C2orf49: variants seen among roughly 807,000 people sequenced by gnomAD.
C2orf49 encodes the protein tRNA-splicing ligase complex subunit ASW.
In C2orf49, 11 loss-of-function variants were observed where a neutral mutation model predicts 20.6. The observed-to-expected ratio is 0.53, with a 90% CI of 0.34 to 0.88. The LOEUF is 0.88. Among genes scored for constraint, C2orf49 ranks in the 40% least tolerant of loss-of-function variants. The probability of loss-of-function intolerance (pLI) is 0.02; values close to 1 mark genes in which losing one functional copy is unlikely to be tolerated. For missense variants in C2orf49, 289 were observed against 274.2 expected (o/e 1.05, Z -0.38); for synonymous variants, 134 against 108.5 (o/e 1.24, Z -1.46).
chr2:105,348,527 C>CATATATATATATATATATATATATAT lies in C2orf49; in HGVS notation c.*3161_*3186dup, dbSNP rs10533537. The CATATATATATATATATATATATATAT allele has an allele frequency of 7.6e-6, 1 of 132,426 alleles. No individual in the cohort carries two copies. The highest frequency in any genetic ancestry group is 2.8e-5 in the African/African-American group (1 of 35,506). The allele number at this position is 132,426 out of a possible 1,614,324, so 8.2% of individuals were successfully genotyped here. ...AAGTAAAACTGCCAGTAGATTAAAT[C>CATATATATATATATATATATATATAT]ATATATATATATATATATATATATA... On this transcript the variant is annotated 3_prime_UTR_variant, in exon 4 of 4. Transcript: ENST00000258457.
At chr2:105,378,338 G>A in the C2orf49 span, 13 of 379,010 alleles carry the variant, frequency 3.4e-5, no homozygotes, top group Middle Eastern at 9.2e-4. Context: ...ACCTTCTGCA[G>A]GCGCAGCCTG....
At chr2:105,339,282 C>CTT (rs1323457298) in intron 1 of C2orf49, among the ~76,000 whole-genome samples, 1 of 152,176 alleles carries the variant, frequency 6.6e-6, no homozygotes, top group Admixed American at 6.5e-5. Flanking sequence ...TTTCAATCCC[C>CTT]TTTGTATATT....
At chr2:105,356,794 C>T in the C2orf49 span, among the ~76,000 whole-genome samples, 1 of 152,154 alleles carries the variant, frequency 6.6e-6, no homozygotes, top group South Asian at 2.1e-4. Flanking sequence ...AGAGTTTTCT[C>T]ATTATCTTTG....
intron 1 of C2orf49, 135 bp from the exon 2 acceptor site, chr2:105,339,448 G>A: frequency 1.4e-6 from 1 of 724,466 alleles, no homozygotes; most frequent in South Asian, 1.9e-5. Flanking sequence ...CTGTCTCTAA[G>A]TGCGCGTGTT....
chr2:105,384,417 T>A, the C2orf49 span, among the ~76,000 whole-genome samples: 1 of 152,178 alleles, frequency 6.6e-6, no homozygotes, highest in Non-Finnish European at 1.5e-5. Context: ...GCTTACCCTG[T>A]CAGCTGCTAG....
the C2orf49 span, among the ~76,000 whole-genome samples, chr2:105,365,511 G>T: frequency 6.6e-6 from 1 of 152,120 alleles, no homozygotes; most frequent in African/African-American, 2.4e-5. Context: ...ACTTCCGTTA[G>T]GTCTTGATGA....
At chr2:105,339,860 C>A in intron 2 of C2orf49, 111 bp downstream of exon 2, 1 of 939,836 alleles carries the variant, frequency 1.1e-6, no homozygotes, top group Non-Finnish European at 1.5e-6. Flanking sequence ...TACTCAATGA[C>A]TATCTATTGA....
At chr2:105,367,253 A>G in the C2orf49 span, among the ~76,000 whole-genome samples, 7 of 152,164 alleles carry the variant, frequency 4.6e-5, no homozygotes, top group African/African-American at 1.7e-4. Flanking sequence ...GAGAAGCTGA[A>G]CAAGACAGCT....
chr2:105,380,786 G>GA, the C2orf49 span, among the ~76,000 whole-genome samples: 11 of 150,664 alleles, frequency 7.3e-5, no homozygotes, highest in Admixed American at 3.3e-4. Flanking sequence ...CAAAAAGAAA[G>GA]AAAAAAAAAG....
chr2:105,365,049 G>A, the C2orf49 span, among the ~76,000 whole-genome samples: 1 of 152,192 alleles, frequency 6.6e-6, no homozygotes, highest in Non-Finnish European at 1.5e-5. Context: ...CCTGCAACAT[G>A]TGTCCTCAGT....
chr2:105,347,052 T>G lies in C2orf49; in HGVS notation c.*1681T>G, dbSNP rs1679832078. On this transcript the variant is annotated 3_prime_UTR_variant, in exon 4 of 4. Transcript: ENST00000258457. Reference sequence around the variant, plus strand: ...CAAGCATTTTAGTTCAGCTATTGAATAGCCTTCCAAAAAATTAATTCAGCC... The same window carrying G: ...CAAGCATTTTAGTTCAGCTATTGAAGAGCCTTCCAAAAAATTAATTCAGCC... 6.6e-6 allele frequency: 1 copy of G among 152,248 alleles called. No individual in the cohort carries two copies. Among genetic ancestry groups the G allele is most frequent in the Non-Finnish European group, 1.5e-5 (1 of 68,036 alleles). The allele number at this position is 152,248 out of a possible 1,614,324, so 9.4% of individuals were successfully genotyped here.
At chr2:105,368,865 G>T in the C2orf49 span, among the ~76,000 whole-genome samples, 4 of 152,218 alleles carry the variant, frequency 2.6e-5, no homozygotes, top group Admixed American at 2.0e-4. Context: ...GTAAGTGCCC[G>T]GACTAGCTGA....
At chr2:105,341,530 C>G (rs996837497) in intron 2 of C2orf49, among the ~76,000 whole-genome samples, 2 of 152,350 alleles carry the variant, frequency 1.3e-5, no homozygotes, top group African/African-American at 4.8e-5. Context: ...CTTTAATGTG[C>G]TTCTTGAATC....
intron 2 of C2orf49, among the ~76,000 whole-genome samples, chr2:105,340,458 C>G (rs1679637191): frequency 6.6e-6 from 1 of 152,070 alleles, no homozygotes. Flanking sequence ...TAGATGGCAG[C>G]AGCTTTGACT....
chr2:105,384,937 T>G, the C2orf49 span, among the ~76,000 whole-genome samples: 4 of 152,224 alleles, frequency 2.6e-5, no homozygotes, highest in South Asian at 4.1e-4. Flanking sequence ...GCTCTCATGC[T>G]TGTCCTGTTA....
In C2orf49 at chr2:105,337,544, G is replaced by A; in HGVS notation, c.-44G>A. The A allele has an allele frequency of 1.2e-6, 2 of 1,612,138 alleles. No individual in the cohort carries two copies. The highest frequency in any genetic ancestry group is 1.7e-6 in the Non-Finnish European group (2 of 1,179,588). On this transcript the variant is annotated 5_prime_UTR_variant, in exon 1 of 4. Transcript: ENST00000258457. ...ACGTCACTTCCGCAACGCTTCCTTC[G>A]CGGGGCTTTGTGGGTAGCCGACTGG...
rs879523251 is a variant in C2orf49, at chr2:105,345,963, CA to C, written c.*604del. 2.9e-3 allele frequency: 384 copies of C among 134,608 alleles called. No individual in the cohort carries two copies. Among genetic ancestry groups the C allele is most frequent in the Middle Eastern group, 0.012 (3 of 256 alleles). 8.3% of individuals were successfully genotyped at this position (134,608 alleles called of 1,614,324 possible). A position where few individuals can be genotyped will look rare whatever the true frequency, so the allele number is the denominator to read the frequency against. On this transcript the variant is annotated 3_prime_UTR_variant, in exon 4 of 4. Transcript: ENST00000258457. Reference sequence around the variant, plus strand: ...GGGCAACAAGAGCGAAACTCCATCTCAAAAAAAAAAAAGCATTCAGTGAATT... The same window carrying C: ...GGGCAACAAGAGCGAAACTCCATCTCAAAAAAAAAAAGCATTCAGTGAATT...
chr2:105,366,951 G>T, the C2orf49 span, among the ~76,000 whole-genome samples: 1 of 152,146 alleles, frequency 6.6e-6, no homozygotes, highest in Non-Finnish European at 1.5e-5. Flanking sequence ...TCATCATGTT[G>T]CCCAGGCTGG....
chr2:105,361,509 G>T, the C2orf49 span: 3 of 1,385,870 alleles, frequency 2.2e-6, no homozygotes, highest in Non-Finnish European at 3.0e-6. Flanking sequence ...AGGAATTCTG[G>T]TTTGATCCAT....
Sources: gnomAD v4.1 joint callset for allele counts (sites outside exome capture counted in the v4.1 genomes callset) on GRCh38, gnomAD v4.1.1 for gene constraint, MANE v1.5 for transcripts, NCBI Gene and HGNC (gene_info 2026-07-23, HGNC 2026-07-21) for gene names.